Variants in DACH2 observed in about 807,000 individuals in gnomAD.
DACH2 encodes dachshund family transcription factor 2, also known as dachshund homolog 2.
Under a neutral mutation model 35.8 loss-of-function variants are expected in DACH2, and 17 were observed. The ratio of observed to expected loss-of-function variants is 0.48; its 90% CI spans 0.33 to 0.71. The LOEUF is 0.71. Among genes scored for constraint, DACH2 ranks in the 30% least tolerant of loss-of-function variants. The pLI, the probability that DACH2 is intolerant of heterozygous loss-of-function variation, is 0.02. For missense variants in DACH2, 469 were observed against 472.7 expected, an observed-to-expected ratio of 0.99 and a Z score of 0.07; for synonymous variants, 195 against 177.3, an observed-to-expected ratio of 1.10 and a Z score of -0.79.
At chrX:86,209,594 C>T (rs772693238) in intron 1 of DACH2, among the ~76,000 whole-genome samples, 4 of 111,014 alleles carry the variant, frequency 3.6e-5, no homozygotes, top group Admixed American at 1.9e-4. Context: ...CAGAGTCCTT[C>T]GAAAACTCAA....
intron 2 of DACH2, among the ~76,000 whole-genome samples, chrX:86,508,454 G>GGAGGCT (rs2038355027): frequency 9.1e-6 from 1 of 109,929 alleles, no homozygotes; most frequent in African/African-American, 3.3e-5. Context: ...CAGCTACTTG[G>GGAGGCT]GAGGCTGAGA....
chrX:86,414,247 T>C (rs776878395), intron 2 of DACH2, among the ~76,000 whole-genome samples: 2 of 111,337 alleles, frequency 1.8e-5, no homozygotes, highest in Non-Finnish European at 3.8e-5. Context: ...TTTCTGTTTG[T>C]AAAAATTAAG....
Position 86,170,843 on chromosome X carries a change from T to C in DACH2, c.488+21735T>C, listed in dbSNP as rs944330753. Reference sequence around the variant, plus strand: ...AGGTGATAAGGGCAGAGCTTGGTTTTCTACATTTTAGGGAGACGTGAGACC... The same window carrying C: ...AGGTGATAAGGGCAGAGCTTGGTTTCCTACATTTTAGGGAGACGTGAGACC... On this transcript the variant is annotated intron_variant, in intron 1 of 11. Coordinates refer to ENST00000373125, the MANE Select transcript of DACH2 (RefSeq NM_053281.3). Among the ~76,000 whole-genome samples, 5 of 112,484 alleles carry C rather than the reference T, an allele frequency of 4.4e-5. No individual in the cohort carries two copies. The East Asian group carries it at 1.4e-3, about 32-fold the overall frequency.
At chrX:86,518,283 G>C (rs1396574126) in intron 3 of DACH2, among the ~76,000 whole-genome samples, 1 of 112,099 alleles carries the variant, frequency 8.9e-6, no homozygotes, top group Non-Finnish European at 1.9e-5. Context: ...ATACAATGCT[G>C]TTTTGGTCAC....
chrX:86,442,098 C>T (rs1305098999), intron 2 of DACH2, among the ~76,000 whole-genome samples: 1 of 109,548 alleles, frequency 9.1e-6, no homozygotes, highest in Non-Finnish European at 1.9e-5. Context: ...AAACTTTTGG[C>T]CTTAAGGGAT....
intron 2 of DACH2, among the ~76,000 whole-genome samples, chrX:86,421,196 A>G (rs942992709): frequency 1.8e-5 from 2 of 112,007 alleles, no homozygotes; most frequent in Non-Finnish European, 3.8e-5. Flanking sequence ...GAAAATTAAG[A>G]AAATATTTCA....
In DACH2 at chrX:86,832,267, T is replaced by C. The variant is rs1291315985; in HGVS notation, c.*112T>C. ...TGTTTATCAGCAAAGCTTTGTTTAC[T>C]GAAGGAGCTATTTAATCTATGTTAC... On this transcript the variant is annotated 3_prime_UTR_variant, in exon 12 of 12. Transcript: ENST00000373125. The C allele has an allele frequency of 1.2e-5, 7 of 590,363 alleles. No individual in the cohort carries two copies. The highest frequency in any genetic ancestry group is 1.6e-5 in the Non-Finnish European group (6 of 366,393). The allele number at this position is 590,363 out of a possible 1,213,427, so 48.7% of individuals were successfully genotyped here. A position where few individuals can be genotyped will look rare whatever the true frequency, so the allele number is the denominator to read the frequency against.
At chrX:86,538,538 T>C (rs1569432864) in intron 3 of DACH2, among the ~76,000 whole-genome samples, 2 of 111,939 alleles carry the variant, frequency 1.8e-5, no homozygotes, top group East Asian at 2.8e-4. Context: ...GAGCAGAAAT[T>C]TATTAGCTCA....
At chrX:86,797,697 A>AG (rs779353384) in intron 7 of DACH2, among the ~76,000 whole-genome samples, 1 of 112,169 alleles carries the variant, frequency 8.9e-6, no homozygotes, top group South Asian at 3.7e-4. Context: ...AAATGAACTA[A>AG]GGGCTGTTTT....
rs138814997 is a variant in DACH2, at chrX:86,286,911, A to T, written c.489-89913A>T. ...TATAAAGTAAGAGCATTTACACACC[A>T]CAGTTACTGTGTCGTAATATTCTGT... On this transcript the variant is annotated intron_variant, in intron 1 of 11. Coordinates refer to ENST00000373125, the MANE Select transcript of DACH2 (RefSeq NM_053281.3). 3.0e-3 allele frequency among the ~76,000 whole-genome samples: 333 copies of T among 112,056 alleles called. 3 individuals carry two copies. Among genetic ancestry groups the T allele is most frequent in the African/African-American group, 0.01 (322 of 30,890 alleles).
chrX:86,539,332 G>A (rs1371978476), intron 3 of DACH2, among the ~76,000 whole-genome samples: 1 of 111,463 alleles, frequency 9.0e-6, no homozygotes, highest in East Asian at 2.8e-4. Context: ...ATGTGGAATT[G>A]TGAGTCAATT....
chrX:86,412,329 T>A (rs1013579059), intron 2 of DACH2, among the ~76,000 whole-genome samples: 12 of 111,514 alleles, frequency 1.1e-4, no homozygotes, highest in Non-Finnish European at 2.3e-4. Flanking sequence ...CTTCCACCCC[T>A]TGATTCCAGG....
intron 2 of DACH2, among the ~76,000 whole-genome samples, chrX:86,388,923 T>G (rs2036161206): frequency 9.0e-6 from 1 of 111,607 alleles, no homozygotes; most frequent in Admixed American, 9.6e-5. Context: ...ATAGCAATTT[T>G]CTCCCCATCT....
chrX:86,759,662 T>A (rs1037604204), intron 7 of DACH2, among the ~76,000 whole-genome samples: 2 of 111,154 alleles, frequency 1.8e-5, no homozygotes, highest in Non-Finnish European at 3.8e-5. Context: ...GAAGGCTTAT[T>A]CCTTGCCTTT....
intron 1 of DACH2, among the ~76,000 whole-genome samples, chrX:86,196,663 A>AGCCTGGG (rs1228138787): frequency 1.2e-5 from 1 of 83,698 alleles, no homozygotes; most frequent in Non-Finnish European, 2.2e-5. Flanking sequence ...ACTGCACTCC[A>AGCCTGGG]GCCTGGGTGA....
intron 4 of DACH2, among the ~76,000 whole-genome samples, chrX:86,661,811 G>C (rs2040608202): frequency 8.9e-6 from 1 of 111,831 alleles, no homozygotes; most frequent in South Asian, 3.7e-4. Flanking sequence ...TCACAGATTG[G>C]TTTCAAAAAA....
intron 3 of DACH2, among the ~76,000 whole-genome samples, chrX:86,608,799 T>C (rs1005263202): frequency 1.8e-5 from 2 of 111,924 alleles, no homozygotes; most frequent in African/African-American, 6.5e-5. Flanking sequence ...TAGCATTCTC[T>C]CCTATTCTGT....
rs190611562 is a variant in DACH2 at position 86,583,775 on chromosome X, G to T, written c.641-67261G>T. ...AATAAACCCCACTTGGTCATAGTGTGTGTGTGAGTGTGTGTGTGTGTATGT... is the reference window on the plus strand; with the variant it reads ...AATAAACCCCACTTGGTCATAGTGTTTGTGTGAGTGTGTGTGTGTGTATGT... On this transcript the variant is annotated intron_variant, in intron 3 of 11. Coordinates refer to ENST00000373125, the MANE Select transcript of DACH2 (RefSeq NM_053281.3). Among the ~76,000 whole-genome samples the T allele has an allele frequency of 6.0e-4, 66 of 109,945 alleles. No individual in the cohort carries two copies. The East Asian group carries it at 0.019, about 31-fold the overall frequency.
chrX:86,567,801 G>C (rs1429244210), intron 3 of DACH2, among the ~76,000 whole-genome samples: 1 of 110,739 alleles, frequency 9.0e-6, no homozygotes, highest in East Asian at 2.9e-4. Flanking sequence ...CACACTTCTT[G>C]GTATTTTCAC....
Sources: allele counts gnomAD v4.1 joint callset (sites outside exome capture counted in the v4.1 genomes callset), GRCh38; gene constraint gnomAD v4.1.1; transcripts MANE v1.5; gene names NCBI Gene and HGNC (gene_info 2026-07-23, HGNC 2026-07-21).